RGS9: variants seen among roughly 807,000 people sequenced by gnomAD.
RGS9 encodes regulator of G protein signaling 9, also known as regulator of G-protein signalling 9.
In RGS9, 78 loss-of-function variants were observed where a neutral mutation model predicts 102.0. The observed-to-expected ratio is 0.76, with a 90% confidence interval of 0.64 to 0.92. The LOEUF (loss-of-function observed/expected upper bound fraction) is 0.92. RGS9 is among the 40% of genes least tolerant of loss of function. The pLI is 0.00. For missense variants in RGS9, 833 were observed against 866.1 expected, an observed-to-expected ratio of 0.96 and a Z score of 0.48; for synonymous variants, 353 against 318.6, an observed-to-expected ratio of 1.11 and a Z score of -1.15.
At chr17:65,149,923 C>T (rs1910512188) in intron 1 of RGS9, among the ~76,000 whole-genome samples, 1 of 152,212 alleles carries the variant, frequency 6.6e-6, no homozygotes, top group African/African-American at 2.4e-5. Context: ...TTTCTTTGGA[C>T]TGCAAGCAAG....
At chr17:65,172,238 CAG>C (rs1292891170) in intron 8 of RGS9, among the ~76,000 whole-genome samples, 1 of 152,146 alleles carries the variant, frequency 6.6e-6, no homozygotes, top group African/African-American at 2.4e-5. Flanking sequence ...GTTTTTGAGA[CAG>C]AGTCTCGCTC....
At chr17:65,227,187 C>T in intron 18 of RGS9, 88 bp from the exon 19 acceptor site, 1 of 1,580,794 alleles carries the variant, frequency 6.3e-7, no homozygotes, top group Non-Finnish European at 8.7e-7. Flanking sequence ...CTGGTATGTT[C>T]ATCTTCAAGG....
intron 17 of RGS9, among the ~76,000 whole-genome samples, chr17:65,215,489 G>GTTCT (rs1453846214): frequency 0.046 from 5,296 of 115,412 alleles, 184 homozygotes; most frequent in African/African-American, 0.09. Context: ...TCTTTCTTTC[G>GTTCT]TTCTTTCGTT....
chr17:65,157,134 AGGGAGTGG>A (rs58271988), intron 2 of RGS9, among the ~76,000 whole-genome samples: 42,813 of 151,986 alleles, frequency 0.28, 7,406 homozygotes, highest in East Asian at 0.51. Context: ...ATAAGAACAC[AGGGAGTGG>A]AGTCTCAATC....
intron 14 of RGS9, among the ~76,000 whole-genome samples, chr17:65,202,408 G>T (rs1407771995): frequency 7.6e-6 from 1 of 132,272 alleles, no homozygotes; most frequent in Non-Finnish European, 1.6e-5. Context: ...TGTCCTGAGG[G>T]GTGTGTGTGT....
At chr17:65,153,969 T>C (rs1053105332) in intron 2 of RGS9, among the ~76,000 whole-genome samples, 1 of 152,172 alleles carries the variant, frequency 6.6e-6, no homozygotes, top group Non-Finnish European at 1.5e-5. Flanking sequence ...CACTCATTTA[T>C]GTATTGTCTA....
At chr17:65,169,962 C>T (rs9914672) in intron 8 of RGS9, among the ~76,000 whole-genome samples, 54,672 of 151,590 alleles carry the variant, frequency 0.36, 14,303 homozygotes, top group African/African-American at 0.73. Context: ...GTCTTCATCA[C>T]TGTGGTCACT....
chr17:65,203,312 C>T (rs968297919), intron 14 of RGS9, among the ~76,000 whole-genome samples: 4 of 152,082 alleles, frequency 2.6e-5, no homozygotes, highest in African/African-American at 2.4e-5. Context: ...GCTGTCGGTC[C>T]GGGAAGCTTC....
chr17:65,202,236 T>A (rs1285660402), intron 14 of RGS9, among the ~76,000 whole-genome samples, 156 bp downstream of exon 14: 3 of 152,074 alleles, frequency 2.0e-5, no homozygotes, highest in African/African-American at 7.2e-5. Context: ...CTAGAAATAG[T>A]TCCCCGCTGC....
chr17:65,158,657 G>A (rs1326011017), intron 3 of RGS9: 1 of 460,212 alleles, frequency 2.2e-6, no homozygotes, highest in African/African-American at 2.0e-5. Flanking sequence ...TTGGTGAAGA[G>A]GAGCTCTGAG....
At chr17:65,176,839 C>T (rs1025409797) in intron 8 of RGS9, among the ~76,000 whole-genome samples, 6 of 151,462 alleles carry the variant, frequency 4.0e-5, no homozygotes, top group African/African-American at 1.5e-4. Flanking sequence ...GCATCCATCC[C>T]TCCATCTATA....
chr17:65,182,788 C>T (rs904073105), intron 9 of RGS9, among the ~76,000 whole-genome samples: 7 of 152,168 alleles, frequency 4.6e-5, no homozygotes, highest in Non-Finnish European at 8.8e-5. Context: ...CACCCAGGGC[C>T]GGCTTCATGG....
intron 17 of RGS9, among the ~76,000 whole-genome samples, chr17:65,211,768 T>C (rs555438304): frequency 7.2e-5 from 11 of 152,368 alleles, no homozygotes; most frequent in African/African-American, 2.6e-4. Flanking sequence ...ACCTACTATG[T>C]GCAAACATCG....
At position 65,171,799 on chromosome 17, in the gene RGS9, A is replaced by G. The variant is rs115805996; in HGVS notation, c.582+3518A>G. 7.7e-3 allele frequency among the ~76,000 whole-genome samples: 1,178 copies of G among 152,344 alleles called. 14 individuals are homozygous for G. Among genetic ancestry groups the G allele is most frequent in the African/African-American group, 0.027 (1,133 of 41,582 alleles). The stretch of plus-strand genomic sequence containing the variant: ...CTCACCTGTTTTTTACTCAAATGGA[A>G]CCAAGTACAGATCTGAGCACGATGC... On this transcript the variant is annotated intron_variant, in intron 8 of 18. Transcript: ENST00000262406.
intron 17 of RGS9, among the ~76,000 whole-genome samples, chr17:65,214,138 T>C (rs1424931115): frequency 6.6e-6 from 1 of 152,160 alleles, no homozygotes; most frequent in African/African-American, 2.4e-5. Context: ...ATTTTTTGTA[T>C]TTTTTGTACA....
intron 9 of RGS9, among the ~76,000 whole-genome samples, chr17:65,178,294 T>G (rs1478466914): frequency 6.6e-6 from 1 of 151,976 alleles, no homozygotes; most frequent in South Asian, 2.1e-4. Context: ...CCCAGTGGAG[T>G]GGGATCTTTG....
rs755297304 is a variant in RGS9, at chr17:65,160,869, G to A, written c.383G>A (p.Arg128Gln). 20 of 1,613,968 alleles carry A rather than the reference G, an allele frequency of 1.2e-5. No individual in the cohort carries two copies. The highest frequency in any genetic ancestry group is 9.9e-5 in the South Asian group (9 of 91,076). Residue 128 changes from arginine to glutamine, a missense_variant, in exon 6 of 19, where the codon CGA (arginine) becomes CAA (glutamine). By Grantham distance (43) the Arg-to-Gln change is conservative. Coordinates refer to ENST00000262406, the MANE Select transcript of RGS9 (RefSeq NM_003835.4). ...TTTCCAGCCATCTATCTGGCCAAGC[G>A]AAATATCAAAAAGAAAGGGATTTTG... ...DTDYAIYLAK[R>Q]NIKKKGILEE...
chr17:65,158,735 G>A (rs1285683605), intron 3 of RGS9: 9 of 356,810 alleles, frequency 2.5e-5, no homozygotes, highest in Admixed American at 7.8e-5. Context: ...AAGTGGAGGA[G>A]TGACAAGGGA....
chr17:65,226,960 T>C (rs1190797793), intron 18 of RGS9, among the ~76,000 whole-genome samples: 4 of 152,032 alleles, frequency 2.6e-5, no homozygotes, highest in Admixed American at 1.3e-4. Flanking sequence ...TCCTGGTATG[T>C]CCTACAGGGA....
Sources: allele counts gnomAD v4.1 joint callset (sites outside exome capture counted in the v4.1 genomes callset), GRCh38; gene constraint gnomAD v4.1.1; transcripts MANE v1.5; gene names NCBI Gene and HGNC (gene_info 2026-07-23, HGNC 2026-07-21).